MCF2L: variants seen among roughly 807,000 people sequenced by gnomAD.
The protein encoded by MCF2L is guanine nucleotide exchange factor DBS.
Under a neutral mutation model 153.4 loss-of-function variants are expected in MCF2L, and 97 were observed. That is an observed-to-expected ratio of 0.63 (90% CI 0.54 to 0.75). MCF2L has a LOEUF of 0.75. Ranked by LOEUF, MCF2L falls within the 30% of genes least tolerant of loss-of-function variation. The pLI is 0.00. For synonymous variants in MCF2L, 659 were observed against 632.2 expected, an observed-to-expected ratio of 1.04 and a Z score of -0.64; for missense variants, 1,347 against 1,495.2, an observed-to-expected ratio of 0.90 and a Z score of 1.64.
intron 2 of MCF2L, among the ~76,000 whole-genome samples, chr13:112,929,020 C>T (rs2140610443): frequency 6.6e-6 from 1 of 152,316 alleles, no homozygotes; most frequent in South Asian, 2.1e-4. Context: ...TGCCTCTCAC[C>T]TGAGCTACTC....
intron 2 of MCF2L, 64 bp downstream of exon 2, chr13:113,014,910 A>G: frequency 6.7e-7 from 1 of 1,492,834 alleles, no homozygotes; most frequent in Non-Finnish European, 9.3e-7. Context: ...TGGGCCGAGC[A>G]GCCCCCGTGG....
intron 9 of MCF2L, among the ~76,000 whole-genome samples, chr13:113,072,912 G>A (rs1415979658): frequency 6.6e-6 from 1 of 151,850 alleles, no homozygotes; most frequent in African/African-American, 2.4e-5. Flanking sequence ...ATTTGAGACT[G>A]TTCCTCTTTT....
rs1162193263 is a variant in MCF2L, at chr13:113,078,659, T to C, written c.1735-7T>C. On this transcript the variant is annotated splice_region_variant and splice_polypyrimidine_tract_variant and intron_variant, in intron 14 of 29. Transcript: ENST00000535094. ...CCTTTCAGACCTGACGCTGTTTTTC[T>C]CCCCAGAGTGAGATGAGTGAGAGCC... The C allele has an allele frequency of 1.2e-6, 2 of 1,611,626 alleles. No homozygotes were observed. Among genetic ancestry groups the C allele is most frequent in the Non-Finnish European group, 1.7e-6 (2 of 1,179,450 alleles).
chr13:112,996,645 G>A (rs757117330), intron 1 of MCF2L, among the ~76,000 whole-genome samples: 8 of 152,134 alleles, frequency 5.3e-5, no homozygotes, highest in Admixed American at 2.0e-4. Flanking sequence ...TGTGCCCCAC[G>A]GGCCCGGGAA....
intron 3 of MCF2L, among the ~76,000 whole-genome samples, chr13:113,025,819 TCGGGGCAGAG>T (rs2085238743): frequency 2.4e-5 from 3 of 123,714 alleles, no homozygotes; most frequent in African/African-American, 3.1e-5. Flanking sequence ...TGACTGTGGG[TCGGGGCAGAG>T]TCTCTGTGAG....
chr13:113,074,877 C>A lies in MCF2L; in HGVS notation c.1117-121C>A, dbSNP rs1419541639. The A allele has an allele frequency of 6.1e-5, 57 of 941,452 alleles. No homozygotes were observed. The East Asian group carries it at 1.4e-3, about 23-fold the overall frequency. 58.3% of individuals were successfully genotyped at this position (941,452 alleles called of 1,614,324 possible). On this transcript the variant is annotated intron_variant, in intron 10 of 29. Transcript: ENST00000535094. This position sits in a 1 kb window ranked among gnomAD's most constrained non-coding sequence, Gnocchi z 4.2. The stretch of plus-strand genomic sequence containing the variant: ...GATTAAGCAGCATCTCAGGCATCCG[C>A]AGCAGTAAACAAAGAAATCAAGACA...
At chr13:113,032,452 C>T (rs2085784392) in intron 3 of MCF2L, among the ~76,000 whole-genome samples, 1 of 152,252 alleles carries the variant, frequency 6.6e-6, no homozygotes, top group African/African-American at 2.4e-5. Flanking sequence ...GGCTGTTCAT[C>T]CACGTGTGGT....
intron 26 of MCF2L, chr13:113,090,519 G>A (rs1443926776): frequency 7.2e-6 from 7 of 975,306 alleles, no homozygotes; most frequent in Non-Finnish European, 8.4e-6. Flanking sequence ...TCTCTGCTCC[G>A]CCTGGTGGCA....
chr13:112,981,477 G>A (rs1455195630), intron 1 of MCF2L, among the ~76,000 whole-genome samples: 1 of 152,232 alleles, frequency 6.6e-6, no homozygotes, highest in Non-Finnish European at 1.5e-5. Context: ...CCTGCCCTTG[G>A]CTGGAATGTG....
upstream of MCF2L, chr13:112,968,483 C>A: frequency 6.3e-7 from 1 of 1,588,234 alleles, no homozygotes. Context: ...GGTGGAGAGC[C>A]CCGTGCCTGC....
intron 2 of MCF2L, among the ~76,000 whole-genome samples, chr13:112,944,829 C>G (rs2081620300): frequency 6.6e-6 from 1 of 152,124 alleles, no homozygotes; most frequent in African/African-American, 2.4e-5. Context: ...GGAAGGCCCT[C>G]CACCCTACTT....
chr13:113,018,732 C>T (rs1055514823), intron 2 of MCF2L, among the ~76,000 whole-genome samples: 1 of 152,206 alleles, frequency 6.6e-6, no homozygotes, highest in African/African-American at 2.4e-5. Flanking sequence ...AAGTGAAAAA[C>T]GCAGAGAACA....
At chr13:113,065,403 C>T in intron 7 of MCF2L, 2 of 376,584 alleles carry the variant, frequency 5.3e-6, no homozygotes, top group Non-Finnish European at 9.7e-6. Context: ...TGGCTCCTCT[C>T]AGGAGCACTT....
intron 15 of MCF2L, among the ~76,000 whole-genome samples, chr13:113,080,966 G>T (rs982455117): frequency 3.9e-5 from 6 of 152,192 alleles, no homozygotes; most frequent in African/African-American, 1.2e-4. Flanking sequence ...GTGTGTGCCG[G>T]GCCAGGGGCA....
intron 1 of MCF2L, among the ~76,000 whole-genome samples, chr13:112,895,738 C>T (rs541122338): frequency 6.4e-4 from 97 of 152,220 alleles, no homozygotes; most frequent in African/African-American, 2.0e-3. Context: ...GGTTTTAAGG[C>T]TCCCTCAGGA....
chr13:112,935,668 G>A (rs976986544), intron 2 of MCF2L, among the ~76,000 whole-genome samples: 1 of 152,188 alleles, frequency 6.6e-6, no homozygotes, highest in Non-Finnish European at 1.5e-5. Flanking sequence ...ATGTTTGGTA[G>A]GTCGAGTGTA....
chr13:113,065,280 C>T (rs565321834), intron 7 of MCF2L, 195 bp downstream of exon 7: 25 of 618,864 alleles, frequency 4.0e-5, no homozygotes, highest in Middle Eastern at 8.6e-4. Context: ...CCGACGAGAA[C>T]GGAATAAAAG....
intron 21 of MCF2L, among the ~76,000 whole-genome samples, chr13:113,086,667 C>T (rs542029936): frequency 2.0e-5 from 3 of 152,276 alleles, no homozygotes; most frequent in East Asian, 1.9e-4. Context: ...TCACTTTCCC[C>T]GTAGAGCCCC....
At chr13:113,026,982 T>C in intron 3 of MCF2L, 1 of 779,034 alleles carries the variant, frequency 1.3e-6, no homozygotes. Flanking sequence ...ATGCTGAGAA[T>C]GTCAGCCTCA....
Sources: gnomAD v4.1 joint callset for allele counts (sites outside exome capture counted in the v4.1 genomes callset) on GRCh38, gnomAD v4.1.1 for gene constraint, Gnocchi (gnomAD v3.1) non-coding constraint, MANE v1.5 for transcripts, NCBI Gene and HGNC (gene_info 2026-07-23, HGNC 2026-07-21) for gene names.